Variants in CCNY observed in about 807,000 individuals in gnomAD.
CCNY encodes cyclin-Y.
Under a neutral mutation model 42.8 loss-of-function variants are expected in CCNY, and 19 were observed. The ratio of observed to expected loss-of-function variants is 0.44; its 90% CI spans 0.31 to 0.65. CCNY has a LOEUF of 0.65. Among genes scored for constraint, CCNY ranks in the 30% least tolerant of loss-of-function variants. The pLI is 0.07. For missense variants in CCNY, 370 were observed against 437.3 expected (o/e 0.85, Z 1.37); for synonymous variants, 165 against 162.7 (o/e 1.01, Z -0.11).
chr10:35,325,014 T>C (rs547500430), intron 3 of CCNY, among the ~76,000 whole-genome samples: 1 of 152,350 alleles, frequency 6.6e-6, no homozygotes, highest in South Asian at 2.1e-4. Flanking sequence ...GTCAACATAC[T>C]ATAAAAATAT....
At chr10:35,505,169 T>A (rs1178711024) in intron 3 of CCNY, among the ~76,000 whole-genome samples, 3 of 151,762 alleles carry the variant, frequency 2.0e-5, no homozygotes, top group African/African-American at 7.3e-5. Context: ...AAATCACTCC[T>A]GAAACTCAGA....
intron 1 of CCNY, among the ~76,000 whole-genome samples, chr10:35,397,365 C>G (rs1287791631): frequency 2.0e-5 from 3 of 152,198 alleles, no homozygotes; most frequent in African/African-American, 7.2e-5. Flanking sequence ...TATTCAGCAG[C>G]AAATATTGTA....
intron 1 of CCNY, among the ~76,000 whole-genome samples, chr10:35,479,621 G>A (rs190051307): frequency 7.3e-6 from 1 of 136,662 alleles, no homozygotes; most frequent in African/African-American, 2.7e-5. Flanking sequence ...TGGGGGGAGG[G>A]GGGGGAGGGA....
intron 1 of CCNY, among the ~76,000 whole-genome samples, chr10:35,449,338 T>C (rs919387093): frequency 2.0e-5 from 3 of 150,574 alleles, no homozygotes; most frequent in Admixed American, 2.0e-4. Context: ...AGGGAGACAT[T>C]TTGAGGAGAA....
intron 1 of CCNY, among the ~76,000 whole-genome samples, chr10:35,388,125 G>A (rs1304312288): frequency 6.6e-6 from 1 of 152,224 alleles, no homozygotes; most frequent in African/African-American, 2.4e-5. Context: ...TCTAGAGAAG[G>A]AGATGCTCTG....
At chr10:35,452,287 G>A (rs1177167015) in intron 1 of CCNY, among the ~76,000 whole-genome samples, 1 of 152,150 alleles carries the variant, frequency 6.6e-6, no homozygotes, top group Non-Finnish European at 1.5e-5. Flanking sequence ...TTACTAGTTT[G>A]TTCTATAACT....
At chr10:35,365,672 G>T (rs2135164211) in intron 1 of CCNY, among the ~76,000 whole-genome samples, 1 of 152,200 alleles carries the variant, frequency 6.6e-6, no homozygotes, top group African/African-American at 2.4e-5. Context: ...AAAAGAAAAT[G>T]GTTAGAAATA....
chr10:35,448,217 C>T (rs575884076), intron 1 of CCNY, among the ~76,000 whole-genome samples: 1 of 152,240 alleles, frequency 6.6e-6, no homozygotes, highest in African/African-American at 2.4e-5. Flanking sequence ...CAAGTAATGG[C>T]CAAGTACCTG....
chr10:35,251,824 AG>A (rs35289634), intron 3 of CCNY, among the ~76,000 whole-genome samples: 16,658 of 152,046 alleles, frequency 0.11, 1,086 homozygotes, highest in Middle Eastern at 0.16. Context: ...CCTGGGTGCA[AG>A]TGATCTGCCT....
At chr10:35,299,667 A>G (rs1298450281) in intron 3 of CCNY, among the ~76,000 whole-genome samples, 3 of 152,178 alleles carry the variant, frequency 2.0e-5, no homozygotes, top group African/African-American at 7.2e-5. Flanking sequence ...GATTTCTTGT[A>G]GACACCAGAG....
At chr10:35,400,581 C>T (rs1444067848) in intron 1 of CCNY, among the ~76,000 whole-genome samples, 13 of 152,164 alleles carry the variant, frequency 8.5e-5, no homozygotes, top group Admixed American at 8.5e-4. Flanking sequence ...CTTCTCTAAC[C>T]TCCCAACTAA....
At chr10:35,540,617 G>A (rs375877851) in intron 7 of CCNY, among the ~76,000 whole-genome samples, 36 of 150,486 alleles carry the variant, frequency 2.4e-4, no homozygotes, top group African/African-American at 8.4e-4. Context: ...TTAAATGTTT[G>A]GTAGAATTTA....
intron 5 of CCNY, among the ~76,000 whole-genome samples, chr10:35,529,486 T>G (rs1840719663): frequency 6.6e-6 from 1 of 152,208 alleles, no homozygotes; most frequent in Admixed American, 6.5e-5. Context: ...CTTGGGCTAT[T>G]TTAATCATAA....
intron 1 of CCNY, among the ~76,000 whole-genome samples, chr10:35,350,306 C>G (rs1477477749): frequency 1.3e-5 from 2 of 152,012 alleles, no homozygotes; most frequent in Non-Finnish European, 2.9e-5. Context: ...GTAAATTTTT[C>G]TTCTTTTATC....
intron 2 of CCNY, among the ~76,000 whole-genome samples, chr10:35,484,137 A>T (rs774891482): frequency 7.2e-5 from 11 of 152,184 alleles, no homozygotes; most frequent in Non-Finnish European, 1.5e-4. Context: ...TCTTCATTGG[A>T]TTCCTATAGA....
At chr10:35,500,935 G>A (rs1033978475) in intron 2 of CCNY, among the ~76,000 whole-genome samples, 3 of 152,106 alleles carry the variant, frequency 2.0e-5, no homozygotes, top group Non-Finnish European at 4.4e-5. Flanking sequence ...ATGGGGTTGG[G>A]GTTGGGTGCC....
chr10:35,429,059 A>G (rs945001828), intron 1 of CCNY, among the ~76,000 whole-genome samples: 1 of 152,232 alleles, frequency 6.6e-6, no homozygotes, highest in African/African-American at 2.4e-5. Flanking sequence ...CTCAAAAATA[A>G]TGTGTTTCTA....
At chr10:35,430,482 T>C (rs1838366835) in intron 1 of CCNY, among the ~76,000 whole-genome samples, 4 of 151,984 alleles carry the variant, frequency 2.6e-5, no homozygotes, top group Admixed American at 2.6e-4. Flanking sequence ...GAGAATGTGA[T>C]CATCGTGTGA....
intron 3 of CCNY, among the ~76,000 whole-genome samples, chr10:35,301,944 T>TTTTTA (rs1376440238): frequency 6.6e-6 from 1 of 151,214 alleles, no homozygotes; most frequent in African/African-American, 2.4e-5. Context: ...TCATTGTTAT[T>TTTTTA]TTTTATTTTA....
Sources: gnomAD v4.1 joint callset for allele counts (sites outside exome capture counted in the v4.1 genomes callset) on GRCh38, gnomAD v4.1.1 for gene constraint, MANE v1.5 for transcripts, NCBI Gene and HGNC (gene_info 2026-07-23, HGNC 2026-07-21) for gene names.